The following ERN1 variants were observed in gnomAD, a reference collection of about 807,000 sequenced individuals.
ERN1 encodes serine/threonine-protein kinase/endoribonuclease IRE1.
Under a neutral mutation model 113.1 loss-of-function variants are expected in ERN1, and 39 were observed. The observed-to-expected ratio is 0.34, with a 90% CI of 0.27 to 0.45. The LOEUF is 0.45. Among genes scored for constraint, ERN1 ranks in the 20% least tolerant of loss-of-function variants. ERN1 has a pLI of 1.00. For missense variants in ERN1, 976 were observed against 1,274.8 expected (o/e 0.77, Z 3.57); for synonymous variants, 507 against 515.9 (o/e 0.98, Z 0.23).
At chr17:64,088,668 G>A (rs1176704347) in intron 2 of ERN1, among the ~76,000 whole-genome samples, 2 of 152,168 alleles carry the variant, frequency 1.3e-5, no homozygotes, top group Non-Finnish European at 2.9e-5. Flanking sequence ...GCAGGATAAA[G>A]AAGGGAGCTT....
chr17:64,085,609 A>G (rs1222175107), intron 2 of ERN1, among the ~76,000 whole-genome samples: 3 of 151,532 alleles, frequency 2.0e-5, no homozygotes, highest in Non-Finnish European at 4.4e-5. Context: ...TCCTACTTCC[A>G]CTCTTGGCCA....
At position 64,079,095 on chromosome 17, in the gene ERN1, CTCTTA is replaced by C. The variant is rs535092555; in HGVS notation, c.282+562_282+566del. 5.9e-4 allele frequency among the ~76,000 whole-genome samples: 90 copies of C among 152,252 alleles called. 3 individuals carry two copies. The highest frequency in any genetic ancestry group is 2.1e-3 in the African/African-American group (88 of 41,558). On this transcript the variant is annotated intron_variant, in intron 4 of 21. Transcript: ENST00000433197. ...ATATGTGTGGGCCTGTTTCTAAATTCTCTTATCTGGGGAGCTTTTAAAAAGTCCTG... is the reference window on the plus strand; with the variant it reads ...ATATGTGTGGGCCTGTTTCTAAATTCTCTGGGGAGCTTTTAAAAAGTCCTG...
chr17:64,055,727 G>A lies in ERN1; in HGVS notation c.1620C>T (p.Gly540=), dbSNP rs1285388701. The change falls in exon 13 of 22, where the codon GGC becomes GGT. Residue 540 remains glycine, a synonymous_variant. Coordinates refer to ENST00000433197, the MANE Select transcript of ERN1 (RefSeq NM_001433.5). Reference sequence around the variant, plus strand: ...TGCTGCCAGCCTTGGAGGCAGAGCTGCCGGAGCAGAGCGAGTGGTTGGAGG... The same window carrying A: ...TGCTGCCAGCCTTGGAGGCAGAGCTACCGGAGCAGAGCGAGTGGTTGGAGG... The part of the protein sequence containing the change: ...PRASNHSLCS[G]SSASKAGSSP... The A allele has an allele frequency of 6.2e-7, 1 of 1,611,406 alleles. No individual in the cohort carries two copies. The highest frequency in any genetic ancestry group is 1.7e-5 in the Admixed American group (1 of 59,754).
chr17:64,069,924 G>A (rs1009056706), intron 6 of ERN1, among the ~76,000 whole-genome samples: 5 of 152,082 alleles, frequency 3.3e-5, no homozygotes, highest in Admixed American at 2.0e-4. Flanking sequence ...AGGGAGGACT[G>A]CAGTAGAACA....
chr17:64,109,434 A>G (rs1406183985), intron 1 of ERN1, among the ~76,000 whole-genome samples: 3 of 152,286 alleles, frequency 2.0e-5, no homozygotes, highest in African/African-American at 7.2e-5. Flanking sequence ...TATGAAATAC[A>G]CCCCGAGTTG....
intron 2 of ERN1, 91 bp from the exon 3 acceptor site, chr17:64,080,899 G>A: frequency 7.5e-7 from 1 of 1,329,032 alleles, no homozygotes; most frequent in East Asian, 2.5e-5. Context: ...AGTTGTACCG[G>A]TAATAACTTT....
intron 6 of ERN1, 116 bp downstream of exon 6, chr17:64,071,864 TG>T: frequency 9.3e-7 from 1 of 1,070,526 alleles, no homozygotes; most frequent in Non-Finnish European, 1.4e-6. Flanking sequence ...AATGACATGA[TG>T]GGACCTGTGT....
At chr17:64,123,266 AT>A (rs1914997462) in intron 1 of ERN1, among the ~76,000 whole-genome samples, 1 of 152,192 alleles carries the variant, frequency 6.6e-6, no homozygotes, top group Non-Finnish European at 1.5e-5. Flanking sequence ...CCAGAGAATT[AT>A]CCCGAGGTAT....
intron 13 of ERN1, among the ~76,000 whole-genome samples, chr17:64,055,429 G>A (rs569466734): frequency 5.3e-5 from 8 of 152,332 alleles, no homozygotes; most frequent in African/African-American, 1.7e-4. Flanking sequence ...CTGGTCAGCC[G>A]CGACGCCCAG....
At position 64,072,203 on chromosome 17, in the gene ERN1, T is replaced by C. The variant is rs144196169; in HGVS notation, c.356-100A>G. 3.8e-4 allele frequency: 505 copies of C among 1,314,814 alleles called. 3 individuals are homozygous for C. In the African/African-American group the frequency reaches 6.6e-3, roughly 17 times the overall value. 81.4% of individuals were successfully genotyped at this position (1,314,814 alleles called of 1,614,324 possible). ...TGCTCTGTATTGAGAGAGATAGACCTGAATTTCTTAGGATGTCATTTCTAA... is the reference window on the plus strand; with the variant it reads ...TGCTCTGTATTGAGAGAGATAGACCCGAATTTCTTAGGATGTCATTTCTAA... On this transcript the variant is annotated intron_variant, in intron 5 of 21. Coordinates refer to ENST00000433197, the MANE Select transcript of ERN1 (RefSeq NM_001433.5).
At chr17:64,101,463 T>C (rs567482384) in intron 1 of ERN1, among the ~76,000 whole-genome samples, 63 of 152,326 alleles carry the variant, frequency 4.1e-4, no homozygotes, top group Middle Eastern at 3.4e-3. Context: ...ATATTTCTTC[T>C]TTTCTCATTT....
In ERN1 at chr17:64,042,553, G is replaced by A. The variant is rs936693539; in HGVS notation, c.*1435C>T. 1.3e-5 allele frequency: 2 copies of A among 152,142 alleles called. No individual in the cohort carries two copies. The highest frequency in any genetic ancestry group is 2.9e-5 in the Non-Finnish European group (2 of 68,036). 9.4% of individuals were successfully genotyped at this position (152,142 alleles called of 1,614,324 possible). A position where few individuals can be genotyped will look rare whatever the true frequency, so the allele number is the denominator to read the frequency against. On this transcript the variant is annotated 3_prime_UTR_variant, in exon 22 of 22. Transcript: ENST00000433197. ...CTGAGCTGCAATGATCCCCCAACTG[G>A]CTGGAGAAAGTACATGGACAACATC...
Position 64,063,922 on chromosome 17 carries a change from G to T in ERN1, c.1087+64C>A. On this transcript the variant is annotated intron_variant, in intron 10 of 21. Transcript: ENST00000433197. The surrounding 1 kb of genome is among the most constrained non-coding windows in gnomAD (Gnocchi z 5.1). ...TCAGTACGGTGTAACTACCAGGGCC[G>T]GCGGTCGCCCACCAGGAGGCAGCAC... 6.6e-7 allele frequency: 1 copy of T among 1,519,520 alleles called. No homozygotes were observed. The highest frequency in any genetic ancestry group is 9.0e-7 in the Non-Finnish European group (1 of 1,108,252). The allele number at this position is 1,519,520 out of a possible 1,614,324, so 94.1% of individuals were successfully genotyped here.
chr17:64,091,218 A>G (rs2172679), intron 2 of ERN1, among the ~76,000 whole-genome samples: 14,506 of 152,214 alleles, frequency 0.095, 733 homozygotes, highest in African/African-American at 0.12. Flanking sequence ...AGTCCCACAC[A>G]CTGCCTAAAG....
Position 64,043,855 on chromosome 17 carries a change from A to G in ERN1, c.*133T>C. 1 of 647,064 alleles carries G rather than the reference A, an allele frequency of 1.5e-6. No individual in the cohort carries two copies. Among genetic ancestry groups the G allele is most frequent in the Non-Finnish European group, 2.7e-6 (1 of 370,878 alleles). The allele number at this position is 647,064 out of a possible 1,614,324, so 40.1% of individuals were successfully genotyped here. A position where few individuals can be genotyped will look rare whatever the true frequency, so the allele number is the denominator to read the frequency against. On this transcript the variant is annotated 3_prime_UTR_variant, in exon 22 of 22. Transcript: ENST00000433197. ...GTCAGCACTGTCCTCTGTGGGCTGC[A>G]GAGCAGGCAGCTCAAGGCACTTGGT...
chr17:64,126,493 A>G (rs1915084738), intron 1 of ERN1, among the ~76,000 whole-genome samples: 1 of 152,248 alleles, frequency 6.6e-6, no homozygotes, highest in South Asian at 2.1e-4. Flanking sequence ...AATGCGGCTC[A>G]CTAGATTTAT....
At chr17:64,124,327 T>C (rs748257294) in intron 1 of ERN1, among the ~76,000 whole-genome samples, 13 of 152,204 alleles carry the variant, frequency 8.5e-5, no homozygotes, top group African/African-American at 2.4e-5. Flanking sequence ...GAATTATTAA[T>C]AGTCCCAAAG....
At chr17:64,059,319 T>C (rs1473629263) in intron 11 of ERN1, among the ~76,000 whole-genome samples, 4 of 152,344 alleles carry the variant, frequency 2.6e-5, no homozygotes, top group Middle Eastern at 3.4e-3. Flanking sequence ...ACTGAGTTTG[T>C]TGTGCTTTTG....
intron 1 of ERN1, 164 bp downstream of exon 1, chr17:64,129,812 G>A (rs1015079309): frequency 3.5e-6 from 2 of 565,070 alleles, no homozygotes; most frequent in Non-Finnish European, 5.3e-6. Context: ...GCCCGGTGCC[G>A]CCTCCTACGC....
Sources: allele counts gnomAD v4.1 joint callset (sites outside exome capture counted in the v4.1 genomes callset), GRCh38; gene constraint gnomAD v4.1.1; non-coding constraint Gnocchi (gnomAD v3.1); transcripts MANE v1.5; gene names NCBI Gene and HGNC (gene_info 2026-07-23, HGNC 2026-07-21).